XYLT1: variants seen among roughly 807,000 people sequenced by gnomAD.
The protein encoded by XYLT1 is xylosyltransferase 1, also known as beta-D-xylosyltransferase 1.
A neutral mutation model predicts 91.3 loss-of-function variants in XYLT1; 36 were observed. The observed-to-expected ratio is 0.39, with a 90% CI of 0.30 to 0.52. XYLT1 has a LOEUF of 0.52. Ranked by LOEUF, XYLT1 falls within the 20% of genes least tolerant of loss-of-function variation. The probability of loss-of-function intolerance (pLI) is 0.68; values close to 1 mark genes in which losing one functional copy is unlikely to be tolerated. For missense variants in XYLT1, 1,242 were observed against 1,284.5 expected, an observed-to-expected ratio of 0.97 and a Z score of 0.51; for synonymous variants, 588 against 532.0, an observed-to-expected ratio of 1.11 and a Z score of -1.45.
intron 6 of XYLT1, among the ~76,000 whole-genome samples, chr16:17,158,533 C>T (rs367677695): frequency 7.9e-5 from 12 of 152,278 alleles, no homozygotes; most frequent in East Asian, 1.9e-4. Flanking sequence ...GAGAATTAAC[C>T]GTGGGTGCCC....
chr16:17,357,598 C>T (rs2035320022), intron 2 of XYLT1, among the ~76,000 whole-genome samples: 1 of 152,246 alleles, frequency 6.6e-6, no homozygotes, highest in African/African-American at 2.4e-5. Context: ...CTTCCATATG[C>T]TGCCCTCACT....
At chr16:17,161,616 T>C (rs144711960) in intron 5 of XYLT1, among the ~76,000 whole-genome samples, 1 of 152,244 alleles carries the variant, frequency 6.6e-6, no homozygotes, top group East Asian at 1.9e-4. Context: ...TATTTAGTTC[T>C]CTCCAGATAA....
chr16:17,233,025 C>G (rs752590983), intron 3 of XYLT1, among the ~76,000 whole-genome samples: 2 of 152,114 alleles, frequency 1.3e-5, no homozygotes, highest in African/African-American at 2.4e-5. Context: ...CAGGACTTGT[C>G]TCCTCTGCTC....
intron 6 of XYLT1, among the ~76,000 whole-genome samples, chr16:17,144,116 G>A (rs2031067305): frequency 6.7e-6 from 1 of 149,840 alleles, no homozygotes; most frequent in Non-Finnish European, 1.5e-5. Flanking sequence ...GCACATTTCT[G>A]TGATTCTGTG....
At chr16:17,346,142 AC>A (rs1288715698) in intron 2 of XYLT1, among the ~76,000 whole-genome samples, 1 of 152,160 alleles carries the variant, frequency 6.6e-6, no homozygotes, top group African/African-American at 2.4e-5. Flanking sequence ...AAACTGAGGC[AC>A]AAAGGGATCG....
chr16:17,331,008 T>C (rs1039069401), intron 2 of XYLT1, among the ~76,000 whole-genome samples: 3 of 152,220 alleles, frequency 2.0e-5, no homozygotes, highest in African/African-American at 7.2e-5. Context: ...TCCACCGCCC[T>C]GCACAAAGGG....
At chr16:17,460,729 A>G (rs547677216) in intron 1 of XYLT1, among the ~76,000 whole-genome samples, 1 of 152,286 alleles carries the variant, frequency 6.6e-6, no homozygotes, top group African/African-American at 2.4e-5. Flanking sequence ...GTATTGCCGG[A>G]TCTTATGACT....
intron 1 of XYLT1, among the ~76,000 whole-genome samples, chr16:17,380,689 T>G (rs1162243003): frequency 6.6e-6 from 1 of 152,216 alleles, no homozygotes; most frequent in Non-Finnish European, 1.5e-5. Flanking sequence ...GAACAGCTAT[T>G]GGCATATCTG....
At chr16:17,357,168 G>T (rs187413461) in intron 2 of XYLT1, among the ~76,000 whole-genome samples, 2,716 of 71,114 alleles carry the variant, frequency 0.038, 104 homozygotes, top group African/African-American at 0.15. Context: ...CAGAGACTCG[G>T]TCTCAAAAAA....
At chr16:17,160,466 G>A (rs2031521207) in intron 5 of XYLT1, among the ~76,000 whole-genome samples, 1 of 152,200 alleles carries the variant, frequency 6.6e-6, no homozygotes, top group South Asian at 2.1e-4. Flanking sequence ...TTCCAGCGGA[G>A]GGGGCACAAA....
intron 2 of XYLT1, among the ~76,000 whole-genome samples, chr16:17,264,552 C>T (rs2033772909): frequency 6.6e-6 from 1 of 152,206 alleles, no homozygotes; most frequent in Non-Finnish European, 1.5e-5. Flanking sequence ...TTTGGCTTTT[C>T]TGTCCTTTCT....
rs1028730751 is a variant in XYLT1 at position 17,470,779 on chromosome 16, G to C, written c.18C>G (p.Cys6Trp). 1.6e-5 allele frequency: 17 copies of C among 1,037,422 alleles called. No individual in the cohort carries two copies. Among genetic ancestry groups the C allele is most frequent in the South Asian group, 3.0e-5 (1 of 33,046 alleles). The allele number at this position is 1,037,422 out of a possible 1,614,324, so 64.3% of individuals were successfully genotyped here. A position where few individuals can be genotyped will look rare whatever the true frequency, so the allele number is the denominator to read the frequency against. Residue 6 changes from cysteine to tryptophan, a missense_variant, in exon 1 of 12, where the codon TGC becomes TGG. Around this residue, in one of 3 missense-constraint regions of XYLT1, gnomAD observed 437 missense variants for 411.5 expected, o/e 1.06. Transcript: ENST00000261381. ...GCGAGCGCCGGGCCAGCCTCCGGGC[G>C]CACGGCGCCGCCACCATCTTCGGAG... MVAAP[C>W]ARRLARRSHS...
At chr16:17,288,260 C>A (rs983773696) in intron 2 of XYLT1, among the ~76,000 whole-genome samples, 2 of 151,134 alleles carry the variant, frequency 1.3e-5, no homozygotes, top group African/African-American at 4.9e-5. Context: ...GGGCCGGTAA[C>A]AGTTACTCCT....
At chr16:17,157,706 G>T (rs567077102) in intron 6 of XYLT1, among the ~76,000 whole-genome samples, 1 of 152,092 alleles carries the variant, frequency 6.6e-6, no homozygotes, top group East Asian at 1.9e-4. Flanking sequence ...ACAAGACCCC[G>T]GGATGTCAGA....
chr16:17,197,014 A>ATATATATATATATATATATATAT (rs1597184723), intron 5 of XYLT1, among the ~76,000 whole-genome samples: 1 of 110,506 alleles, frequency 9.0e-6, no homozygotes, highest in African/African-American at 4.5e-5. Context: ...CTGTCTCCAA[A>ATATATATATATATATATATATAT]ATATATATAT....
intron 1 of XYLT1, among the ~76,000 whole-genome samples, chr16:17,457,781 T>C (rs377718184): frequency 1.3e-5 from 2 of 152,226 alleles, no homozygotes; most frequent in Admixed American, 6.5e-5. Flanking sequence ...AGAGAGACAA[T>C]GAATAGGCTT....
chr16:17,378,536 T>A (rs1032610732), intron 1 of XYLT1, among the ~76,000 whole-genome samples: 1 of 152,234 alleles, frequency 6.6e-6, no homozygotes, highest in African/African-American at 2.4e-5. Context: ...GCAAGATGTC[T>A]CCTTCTAATT....
intron 9 of XYLT1, 54 bp downstream of exon 9, chr16:17,134,419 G>A: frequency 6.3e-7 from 1 of 1,599,448 alleles, no homozygotes. Flanking sequence ...TCTGTACCCT[G>A]AGCCTCCCCT....
At chr16:17,221,679 C>T (rs2032970281) in intron 3 of XYLT1, among the ~76,000 whole-genome samples, 1 of 152,128 alleles carries the variant, frequency 6.6e-6, no homozygotes, top group East Asian at 1.9e-4. Flanking sequence ...GTTAAGGCTG[C>T]AGTGAGCTAT....
Sources: gnomAD v4.1 joint callset for allele counts (sites outside exome capture counted in the v4.1 genomes callset) on GRCh38, gnomAD v4.1.1 for gene constraint, gnomAD v4.1.1 regional missense constraint, MANE v1.5 for transcripts, NCBI Gene and HGNC (gene_info 2026-07-23, HGNC 2026-07-21) for gene names.